TMEM266: variants seen among roughly 807,000 people sequenced by gnomAD.
The protein encoded by TMEM266 is Hv1 related protein 1.
In TMEM266, 33 loss-of-function variants were observed where a neutral mutation model predicts 50.5. The ratio of observed to expected loss-of-function variants is 0.65; its 90% CI spans 0.50 to 0.87. TMEM266 has a LOEUF of 0.87. Ranked by LOEUF, TMEM266 falls within the 40% of genes least tolerant of loss-of-function variation. The probability of loss-of-function intolerance (pLI) is 0.00; values close to 1 mark genes in which losing one functional copy is unlikely to be tolerated. For missense variants in TMEM266, 655 were observed against 695.1 expected (o/e 0.94, Z 0.65); for synonymous variants, 310 against 292.3 (o/e 1.06, Z -0.62).
intron 1 of TMEM266, among the ~76,000 whole-genome samples, chr15:76,100,793 G>C (rs1228489873): frequency 1.3e-5 from 2 of 152,284 alleles, no homozygotes; most frequent in African/African-American, 4.8e-5. Flanking sequence ...CAGAATCACA[G>C]AATATCAACA....
chr15:76,200,758 G>A (rs979373486), intron 9 of TMEM266, among the ~76,000 whole-genome samples: 7 of 152,194 alleles, frequency 4.6e-5, no homozygotes, highest in East Asian at 1.9e-4. Context: ...TACACACAGC[G>A]TATGGATGCC....
At chr15:76,117,557 G>A (rs2037270413) in intron 1 of TMEM266, among the ~76,000 whole-genome samples, 1 of 152,092 alleles carries the variant, frequency 6.6e-6, no homozygotes. Context: ...GTCTTAGAGT[G>A]GTTTTATTAT....
rs756990654 is a variant in TMEM266, at chr15:76,168,627, G to A, written c.457-1189G>A. On this transcript the variant is annotated intron_variant, in intron 5 of 10. Transcript: ENST00000388942. This position sits in a 1 kb window ranked among gnomAD's most constrained non-coding sequence, Gnocchi z 4.4. ...ACCGCTCCTGAAGGCAGCACCATTC[G>A]GGAATTATTCCTTCATGCACGCATT... Among the ~76,000 whole-genome samples, 2 of 152,236 alleles carry A rather than the reference G, an allele frequency of 1.3e-5. No individual in the cohort carries two copies. The highest frequency in any genetic ancestry group is 2.4e-5 in the African/African-American group (1 of 41,464).
Position 76,160,154 on chromosome 15 carries a change from G to A in TMEM266, c.442G>A (p.Val148Met), listed in dbSNP as rs758543246. ...CTGGATCAGCCTGGTCATTCTGTCC[G>A]TGTTCTTCTCAGAGGTAGGTGGAGA... is the stretch of plus-strand genomic sequence containing the variant. Residue 148 changes from valine (V) to methionine (M), a missense_variant, in exon 5 of 11, where the codon GTG becomes ATG. Val to Met is a conservative substitution (Grantham distance 21). This residue lies in a region of TMEM266 where 101 missense variants were observed against 182.6 expected (regional missense o/e 0.55). Coordinates refer to ENST00000388942, the MANE Select transcript of TMEM266 (RefSeq NM_152335.3). This position sits in a 1 kb window ranked among gnomAD's most constrained non-coding sequence, Gnocchi z 5.7. The A allele has an allele frequency of 5.5e-5, 88 of 1,614,056 alleles. 1 individual carries two copies. The South Asian group carries it at 6.8e-4, about 12-fold the overall frequency.
At chr15:76,170,903 G>A in intron 6 of TMEM266, 90 bp from the exon 7 acceptor site, 1 of 1,470,546 alleles carries the variant, frequency 6.8e-7, no homozygotes, top group Non-Finnish European at 9.1e-7. Flanking sequence ...TGCTGGAAAA[G>A]TTGGGCAGCA....
intron 8 of TMEM266, among the ~76,000 whole-genome samples, chr15:76,183,011 C>A (rs888041184): frequency 1.3e-5 from 2 of 149,670 alleles, no homozygotes; most frequent in African/African-American, 4.9e-5. Context: ...TCACTCTCAT[C>A]ATACTCCAAT....
At chr15:76,178,230 G>T (rs544133040) in intron 8 of TMEM266, among the ~76,000 whole-genome samples, 7 of 152,264 alleles carry the variant, frequency 4.6e-5, no homozygotes, top group Admixed American at 2.0e-4. Flanking sequence ...TCTGGCTGCC[G>T]TTGGAGGCTG....
chr15:76,128,438 A>C (rs147648270), intron 1 of TMEM266, among the ~76,000 whole-genome samples: 1 of 152,236 alleles, frequency 6.6e-6, no homozygotes. Flanking sequence ...AACAAGTGGA[A>C]GAGACTGGAA....
At chr15:76,127,148 G>C (rs968414300) in intron 1 of TMEM266, among the ~76,000 whole-genome samples, 2 of 151,862 alleles carry the variant, frequency 1.3e-5, no homozygotes, top group African/African-American at 4.8e-5. Flanking sequence ...TGATGTGATC[G>C]GTATGTTAAT....
chr15:76,140,699 A>C (rs1423307560), intron 3 of TMEM266, among the ~76,000 whole-genome samples: 1 of 151,884 alleles, frequency 6.6e-6, no homozygotes, highest in Non-Finnish European at 1.5e-5. Flanking sequence ...CAAAGGCAGC[A>C]GGGCCCAGGG....
Position 76,192,027 on chromosome 15 carries a change from G to A in TMEM266, c.828G>A (p.Glu276=), listed in dbSNP as rs761679439. 6 of 1,567,284 alleles carry A rather than the reference G, an allele frequency of 3.8e-6. No individual in the cohort carries two copies. The highest frequency in any genetic ancestry group is 4.3e-6 in the Non-Finnish European group (5 of 1,162,676). Residue 276 remains glutamate (E), a synonymous_variant, in exon 9 of 11, where the codon GAG becomes GAA. Coordinates refer to ENST00000388942, the MANE Select transcript of TMEM266 (RefSeq NM_152335.3). ...AGCAGGACCTGGACCTGGCTGCCGA[G>A]CGCGAAGCGGCGCTCCAGGCCCCGC...
chr15:76,154,764 T>C (rs1443366504), intron 3 of TMEM266, among the ~76,000 whole-genome samples: 1 of 152,166 alleles, frequency 6.6e-6, no homozygotes, highest in Non-Finnish European at 1.5e-5. Flanking sequence ...CCAGAGGAGT[T>C]AGAAAATATT....
Position 76,204,040 on chromosome 15 carries a change from C to T in TMEM266, c.1321C>T (p.Gln441Ter), listed in dbSNP as rs965884640. 3 of 1,612,298 alleles carry T rather than the reference C, an allele frequency of 1.9e-6. No homozygotes were observed. In the African/African-American group the frequency reaches 4.0e-5, roughly 22 times the overall value. The change falls in exon 11 of 11, where the codon CAG becomes TAG. Residue 441 changes from glutamine to a stop codon, truncating the protein, a stop_gained. Coordinates refer to ENST00000388942, the MANE Select transcript of TMEM266 (RefSeq NM_152335.3). LOFTEE classifies it high-confidence loss of function. ...GCAGCAGGTGGAGGAGGCCACAGTCCAGGACCTGCTGTCCTCCCTGTCGGA... is the reference window on the plus strand; with the variant it reads ...GCAGCAGGTGGAGGAGGCCACAGTCTAGGACCTGCTGTCCTCCCTGTCGGA...
chr15:76,083,509 A>G (rs1002241006), intron 1 of TMEM266, among the ~76,000 whole-genome samples: 1 of 152,026 alleles, frequency 6.6e-6, no homozygotes, highest in Non-Finnish European at 1.5e-5. Flanking sequence ...TACCGTAGGG[A>G]GGAAACATAC....
Position 76,160,872 on chromosome 15 carries a change from C to G in TMEM266, c.456+704C>G, listed in dbSNP as rs1172895843. ...CAGGCCCCCGGGCTTGGTGCAGAAG[C>G]TGGCATGTCTGGGCAGCACATTCCT... is the stretch of plus-strand genomic sequence containing the variant. On this transcript the variant is annotated intron_variant, in intron 5 of 10. Coordinates refer to ENST00000388942, the MANE Select transcript of TMEM266 (RefSeq NM_152335.3). The surrounding 1 kb of genome is among the most constrained non-coding windows in gnomAD (Gnocchi z 5.7). Among the ~76,000 whole-genome samples, 1 of 152,210 alleles carries G rather than the reference C, an allele frequency of 6.6e-6. No homozygotes were observed. Among genetic ancestry groups the G allele is most frequent in the Non-Finnish European group, 1.5e-5 (1 of 68,044 alleles).
intron 1 of TMEM266, among the ~76,000 whole-genome samples, chr15:76,091,758 G>A (rs1409549562): frequency 2.6e-5 from 4 of 151,952 alleles, no homozygotes; most frequent in African/African-American, 9.7e-5. Context: ...GGAAACTGAG[G>A]CGGGAGGATC....
chr15:76,124,365 AG>A (rs2059596420), intron 1 of TMEM266, among the ~76,000 whole-genome samples: 1 of 152,236 alleles, frequency 6.6e-6, no homozygotes, highest in African/African-American at 2.4e-5. Flanking sequence ...ACTGAAAACT[AG>A]AAAACATTGT....
chr15:76,119,117 C>A (rs912109651), intron 1 of TMEM266, among the ~76,000 whole-genome samples: 2 of 152,110 alleles, frequency 1.3e-5, no homozygotes, highest in South Asian at 2.1e-4. Flanking sequence ...TGCCATCTTC[C>A]CAGAGTTTCT....
chr15:76,190,931 A>G (rs759426820), intron 8 of TMEM266, among the ~76,000 whole-genome samples: 3 of 152,136 alleles, frequency 2.0e-5, no homozygotes, highest in Non-Finnish European at 4.4e-5. Context: ...TGCGGGGAAC[A>G]CTAGGTGGCG....
Sources: allele counts gnomAD v4.1 joint callset (sites outside exome capture counted in the v4.1 genomes callset), GRCh38; gene constraint gnomAD v4.1.1; regional missense constraint gnomAD v4.1.1; non-coding constraint Gnocchi (gnomAD v3.1); transcripts MANE v1.5; gene names NCBI Gene and HGNC (gene_info 2026-07-23, HGNC 2026-07-21).